Variants in NCAM2 observed in about 807,000 individuals in gnomAD.
NCAM2 encodes N-CAM-2.
A neutral mutation model predicts 98.1 loss-of-function variants in NCAM2; 30 were observed. The ratio of observed to expected loss-of-function variants is 0.31; its 90% CI spans 0.23 to 0.41. NCAM2 has a LOEUF of 0.41. NCAM2 is among the 10% of genes least tolerant of loss of function. NCAM2 has a pLI of 1.00. For missense variants in NCAM2, 867 were observed against 1,005.8 expected, an observed-to-expected ratio of 0.86 and a Z score of 1.87; for synonymous variants, 368 against 342.4, an observed-to-expected ratio of 1.07 and a Z score of -0.83.
At chr21:21,258,787 C>T (rs1412194187) in intron 1 of NCAM2, among the ~76,000 whole-genome samples, 1 of 152,082 alleles carries the variant, frequency 6.6e-6, no homozygotes, top group Admixed American at 6.5e-5. Flanking sequence ...AACATACCCA[C>T]ATGACTCTCT....
At chr21:21,196,876 G>A (rs1203144318) in intron 1 of NCAM2, among the ~76,000 whole-genome samples, 4 of 152,098 alleles carry the variant, frequency 2.6e-5, no homozygotes, top group East Asian at 1.9e-4. Flanking sequence ...ATTTAACATC[G>A]TCCCCTTCAG....
chr21:21,320,942 G>A lies in NCAM2; in HGVS notation c.620-3441G>A, dbSNP rs114325436. Among the ~76,000 whole-genome samples, 1,282 of 152,206 alleles carry A rather than the reference G, an allele frequency of 8.4e-3. 18 individuals are homozygous for A. The highest frequency in any genetic ancestry group is 0.029 in the African/African-American group (1,225 of 41,536). ...CTTTTCTAACTTCATATAATAAAAT[G>A]CAATGGAAAGAGATGTGTTAATGAA... is the stretch of plus-strand genomic sequence containing the variant. On this transcript the variant is annotated intron_variant, in intron 5 of 17. Transcript: ENST00000400546.
chr21:21,075,335 A>T (rs1384685176), intron 1 of NCAM2, among the ~76,000 whole-genome samples: 1 of 152,140 alleles, frequency 6.6e-6, no homozygotes, highest in Non-Finnish European at 1.5e-5. Flanking sequence ...TTAAAGTATA[A>T]TTTTTTTAAA....
chr21:21,530,477 C>T (rs555796535), intron 16 of NCAM2, among the ~76,000 whole-genome samples: 1 of 150,448 alleles, frequency 6.6e-6, no homozygotes, highest in African/African-American at 2.4e-5. Flanking sequence ...CATACATAAG[C>T]ATTAATATTT....
At chr21:21,338,029 A>T (rs2074925140) in intron 7 of NCAM2, among the ~76,000 whole-genome samples, 1 of 152,104 alleles carries the variant, frequency 6.6e-6, no homozygotes, top group South Asian at 2.1e-4. Flanking sequence ...ATATGCACCC[A>T]TATGCATGTG....
chr21:21,123,865 T>TTTTTTTTTTTTTTA (rs1601429348), intron 1 of NCAM2, among the ~76,000 whole-genome samples: 2 of 146,840 alleles, frequency 1.4e-5, no homozygotes, highest in African/African-American at 2.5e-5. Context: ...TTTTTTTTTT[T>TTTTTTTTTTTTTTA]GAGACGGAGT....
chr21:21,334,999 T>A (rs1258484962), intron 6 of NCAM2, among the ~76,000 whole-genome samples: 2 of 152,154 alleles, frequency 1.3e-5, no homozygotes, highest in Non-Finnish European at 2.9e-5. Context: ...CTCATCTTAC[T>A]ATTTTATTGG....
Position 21,541,381 on chromosome 21 carries a change from TATA to T in NCAM2, c.*3429_*3431del, listed in dbSNP as rs1271411687. ...TTTTACCTTGAATATAAAATCTAAA[TATA>T]ATAAACTATACTGTATAATTTACTT... On this transcript the variant is annotated 3_prime_UTR_variant, in exon 18 of 18. Coordinates refer to ENST00000400546, the MANE Select transcript of NCAM2 (RefSeq NM_004540.5). 3 of 150,576 alleles carry T rather than the reference TATA, an allele frequency of 2.0e-5. No homozygotes were observed. Among genetic ancestry groups the T allele is most frequent in the African/African-American group, 4.8e-5 (2 of 41,362 alleles). The allele number at this position is 150,576 out of a possible 1,614,324, so 9.3% of individuals were successfully genotyped here.
chr21:21,036,840 G>A (rs1268215370), intron 1 of NCAM2, among the ~76,000 whole-genome samples: 3 of 152,148 alleles, frequency 2.0e-5, no homozygotes, highest in Non-Finnish European at 4.4e-5. Context: ...GCCTGAAGTT[G>A]AGCTAATCTT....
chr21:21,058,495 C>T (rs1191740096), intron 1 of NCAM2, among the ~76,000 whole-genome samples: 1 of 152,020 alleles, frequency 6.6e-6, no homozygotes, highest in African/African-American at 2.4e-5. Context: ...TGTCTATACT[C>T]TCAAGGAAAA....
At chr21:21,324,062 TTAG>T (rs1262042781) in intron 5 of NCAM2, among the ~76,000 whole-genome samples, 1 of 152,158 alleles carries the variant, frequency 6.6e-6, no homozygotes, top group Non-Finnish European at 1.5e-5. Flanking sequence ...TTTAACAGAT[TTAG>T]TAGTGAAATA....
intron 6 of NCAM2, among the ~76,000 whole-genome samples, chr21:21,333,516 G>T (rs1232296773): frequency 6.6e-6 from 1 of 152,130 alleles, no homozygotes; most frequent in Non-Finnish European, 1.5e-5. Context: ...CAACTAATTT[G>T]CTATACATCA....
chr21:21,498,833 A>G (rs1292941031), intron 15 of NCAM2, among the ~76,000 whole-genome samples: 3 of 152,224 alleles, frequency 2.0e-5, no homozygotes, highest in Admixed American at 6.5e-5. Context: ...TAATAATACA[A>G]TAAATATGTT....
rs916169586 is a variant in NCAM2 at position 21,016,395 on chromosome 21, A to G, written c.55+17777A>G. Reference sequence around the variant, plus strand: ...AGTGTACCATATTTATGCGCTTCGTATGTGTGATCTCATATGATTCTCCAA... The same window carrying G: ...AGTGTACCATATTTATGCGCTTCGTGTGTGTGATCTCATATGATTCTCCAA... On this transcript the variant is annotated intron_variant, in intron 1 of 17. Coordinates refer to ENST00000400546, the MANE Select transcript of NCAM2 (RefSeq NM_004540.5). 2.1e-4 allele frequency among the ~76,000 whole-genome samples: 32 copies of G among 151,616 alleles called. 1 individual carries two copies.
At chr21:21,246,840 T>C (rs993654840) in intron 1 of NCAM2, among the ~76,000 whole-genome samples, 2 of 152,188 alleles carry the variant, frequency 1.3e-5, no homozygotes, top group African/African-American at 4.8e-5. Flanking sequence ...ACCGTGGCTG[T>C]AAATGTACTG....
chr21:20,999,360 A>C (rs976210059), intron 1 of NCAM2, among the ~76,000 whole-genome samples: 1 of 152,154 alleles, frequency 6.6e-6, no homozygotes, highest in Admixed American at 6.5e-5. Flanking sequence ...CTTAAAAAAA[A>C]AAAATGAATA....
chr21:21,465,373 G>C (rs940894138), intron 12 of NCAM2, among the ~76,000 whole-genome samples: 1 of 151,786 alleles, frequency 6.6e-6, no homozygotes, highest in Non-Finnish European at 1.5e-5. Flanking sequence ...TTGAGCCCAA[G>C]AATTCAACAC....
intron 1 of NCAM2, among the ~76,000 whole-genome samples, chr21:21,032,232 T>C (rs2064700294): frequency 6.6e-6 from 1 of 151,992 alleles, no homozygotes; most frequent in Non-Finnish European, 1.5e-5. Context: ...TGGCATGCAA[T>C]AACCAGTGAT....
chr21:21,246,185 G>A (rs146707350), intron 1 of NCAM2, among the ~76,000 whole-genome samples: 2 of 152,222 alleles, frequency 1.3e-5, no homozygotes, highest in East Asian at 1.9e-4. Flanking sequence ...GAGTCTCATG[G>A]GAATTGAGGT....
Sources: allele counts gnomAD v4.1 joint callset (sites outside exome capture counted in the v4.1 genomes callset), GRCh38; gene constraint gnomAD v4.1.1; transcripts MANE v1.5; gene names NCBI Gene and HGNC (gene_info 2026-07-23, HGNC 2026-07-21).